STRN: variants seen among roughly 807,000 people sequenced by gnomAD.
STRN encodes the protein striatin, also known as protein phosphatase 2 regulatory subunit B'''alpha.
STRN carries 53 observed loss-of-function variants against 96.3 expected under a neutral mutation model. That is an observed-to-expected ratio of 0.55 (90% CI 0.44 to 0.69). The LOEUF (loss-of-function observed/expected upper bound fraction) is 0.69. Ranked by LOEUF, STRN falls within the 30% of genes least tolerant of loss-of-function variation. The probability of loss-of-function intolerance (pLI) is 0.00; values close to 1 mark genes in which losing one functional copy is unlikely to be tolerated. For missense variants in STRN, 987 were observed against 963.9 expected (o/e 1.02, Z -0.32); for synonymous variants, 428 against 355.9 (o/e 1.20, Z -2.28).
intron 1 of STRN, among the ~76,000 whole-genome samples, chr2:36,955,812 G>T (rs1045584970): frequency 6.6e-6 from 1 of 152,172 alleles, no homozygotes; most frequent in African/African-American, 2.4e-5. Flanking sequence ...TTAGATTTCA[G>T]ATTTTGGAAT....
At chr2:36,863,232 T>C (rs1340917022) in intron 12 of STRN, among the ~76,000 whole-genome samples, 3 of 152,196 alleles carry the variant, frequency 2.0e-5, no homozygotes, top group Non-Finnish European at 2.9e-5. Flanking sequence ...TTTTGGTGTC[T>C]TCATCATGAA....
At chr2:36,941,013 C>A (rs1289242095) in intron 1 of STRN, among the ~76,000 whole-genome samples, 2 of 152,012 alleles carry the variant, frequency 1.3e-5, no homozygotes, top group Non-Finnish European at 2.9e-5. Flanking sequence ...ATTAGCTGAA[C>A]ATGGTGGCAC....
intron 3 of STRN, among the ~76,000 whole-genome samples, chr2:36,910,713 T>A (rs550874980): frequency 2.6e-5 from 4 of 152,248 alleles, no homozygotes; most frequent in African/African-American, 9.6e-5. Flanking sequence ...ATTACAAAGG[T>A]AGTAGCATTA....
Position 36,886,977 on chromosome 2 carries a change from C to T in STRN, c.932-151G>A, listed in dbSNP as rs1659556967. 7.7e-6 allele frequency: 4 copies of T among 516,482 alleles called. No homozygotes were observed. The South Asian group carries it at 1.0e-4, about 13-fold the overall frequency. 32.0% of individuals were successfully genotyped at this position (516,482 alleles called of 1,614,324 possible). A position where few individuals can be genotyped will look rare whatever the true frequency, so the allele number is the denominator to read the frequency against. On this transcript the variant is annotated intron_variant, in intron 7 of 17. Coordinates refer to ENST00000263918, the MANE Select transcript of STRN (RefSeq NM_003162.4). ...ATTCATTTTATATATATAAGTCACA[C>T]AAAAAAATATAATCACTAAGAAGAA...
intron 1 of STRN, among the ~76,000 whole-genome samples, chr2:36,934,886 T>C (rs940884096): frequency 1.3e-5 from 2 of 152,152 alleles, no homozygotes; most frequent in Non-Finnish European, 2.9e-5. Context: ...AGTCCAGCCA[T>C]GGGCAAGATG....
chr2:36,954,330 G>GC (rs1664829093), intron 1 of STRN, among the ~76,000 whole-genome samples: 1 of 151,784 alleles, frequency 6.6e-6, no homozygotes, highest in Non-Finnish European at 1.5e-5. Flanking sequence ...GGCCAATATG[G>GC]CAAAACCCTG....
At position 36,952,055 on chromosome 2, in the gene STRN, GCA is replaced by G. The variant is rs142923138; in HGVS notation, c.234+14173_234+14174del. ...TTTCGTCCCGAAAATACACACGCAC[GCA>G]CACACACACACAATTGTGGCTTATT... On this transcript the variant is annotated intron_variant, in intron 1 of 17. Transcript: ENST00000263918. Among the ~76,000 whole-genome samples the G allele has an allele frequency of 2.8e-3, 424 of 151,480 alleles. 15 individuals carry two copies. The East Asian group carries it at 0.058, about 21-fold the overall frequency.
At chr2:36,872,138 T>C (rs1258337332) in intron 10 of STRN, among the ~76,000 whole-genome samples, 1 of 152,232 alleles carries the variant, frequency 6.6e-6, no homozygotes, top group Non-Finnish European at 1.5e-5. Context: ...AAACCTTATA[T>C]AGTTTCCTCC....
intron 6 of STRN, among the ~76,000 whole-genome samples, chr2:36,896,406 A>T (rs1046189137): frequency 6.6e-6 from 1 of 152,212 alleles, no homozygotes; most frequent in Non-Finnish European, 1.5e-5. Flanking sequence ...TAGAGAAGAA[A>T]AATGAATTGT....
Position 36,841,802 on chromosome 2 carries a change from AT to A in STRN, c.*7653del, listed in dbSNP as rs1299304340. The stretch of plus-strand genomic sequence containing the variant: ...GATACTTTTGATATATTTCCTAAAA[AT>A]ATTTAATTTAGATAACAAGGACCAA... On this transcript the variant is annotated 3_prime_UTR_variant, in exon 18 of 18. Transcript: ENST00000263918. 3.9e-5 allele frequency: 6 copies of A among 152,222 alleles called. No individual in the cohort carries two copies. The highest frequency in any genetic ancestry group is 1.4e-4 in the African/African-American group (6 of 41,456). The allele number at this position is 152,222 out of a possible 1,614,324, so 9.4% of individuals were successfully genotyped here. A position where few individuals can be genotyped will look rare whatever the true frequency, so the allele number is the denominator to read the frequency against.
chr2:36,855,160 TTTGA>T (rs1361788741), intron 15 of STRN, 48 bp downstream of exon 15: 27 of 1,585,766 alleles, frequency 1.7e-5, no homozygotes, highest in East Asian at 2.3e-5. Flanking sequence ...TAGTCGTAAT[TTTGA>T]TTAAGTTAAA....
chr2:36,879,990 G>A (rs1177555788), intron 9 of STRN, among the ~76,000 whole-genome samples: 3 of 151,786 alleles, frequency 2.0e-5, no homozygotes, highest in Admixed American at 6.6e-5. Flanking sequence ...AATCTGAGAC[G>A]GGGTCTCACT....
intron 1 of STRN, among the ~76,000 whole-genome samples, chr2:36,962,665 T>C (rs1273540790): frequency 6.6e-6 from 1 of 152,104 alleles, no homozygotes; most frequent in South Asian, 2.1e-4. Context: ...CACACCACCA[T>C]GCTCAGCTAA....
intron 9 of STRN, among the ~76,000 whole-genome samples, chr2:36,882,972 C>G (rs908841996): frequency 6.6e-6 from 1 of 152,134 alleles, no homozygotes; most frequent in African/African-American, 2.4e-5. Flanking sequence ...TAAGATTACA[C>G]TGCAAAAGAC....
At chr2:36,945,711 A>C (rs1670963677) in intron 1 of STRN, among the ~76,000 whole-genome samples, 1 of 152,186 alleles carries the variant, frequency 6.6e-6, no homozygotes, top group Non-Finnish European at 1.5e-5. Context: ...AAATATTAAC[A>C]AAACAAATAC....
chr2:36,860,133 G>C (rs1312185410), intron 13 of STRN, among the ~76,000 whole-genome samples: 1 of 152,206 alleles, frequency 6.6e-6, no homozygotes, highest in African/African-American at 2.4e-5. Context: ...GGAGCAAGGA[G>C]GGTAAGGCTT....
At chr2:36,931,809 T>C (rs1315467698) in intron 1 of STRN, among the ~76,000 whole-genome samples, 1 of 152,214 alleles carries the variant, frequency 6.6e-6, no homozygotes, top group Non-Finnish European at 1.5e-5. Flanking sequence ...TTAAAACTGC[T>C]TGCTTGCTTG....
Position 36,847,480 on chromosome 2 carries a change from A to G in STRN, c.*1976T>C, listed in dbSNP as rs1320925083. 1.3e-5 allele frequency: 2 copies of G among 152,178 alleles called. No individual in the cohort carries two copies. The highest frequency in any genetic ancestry group is 1.3e-4 in the Admixed American group (2 of 15,266). 9.4% of individuals were successfully genotyped at this position (152,178 alleles called of 1,614,324 possible). On this transcript the variant is annotated 3_prime_UTR_variant, in exon 18 of 18. Transcript: ENST00000263918. The stretch of plus-strand genomic sequence containing the variant: ...CACTGTGAAGAACCAAAAGAAATTT[A>G]CTGAACACAATATGGAATTCTGTAT...
chr2:36,864,024 G>A (rs1347650274), intron 12 of STRN, among the ~76,000 whole-genome samples: 1 of 152,168 alleles, frequency 6.6e-6, no homozygotes, highest in Non-Finnish European at 1.5e-5. Context: ...GAAATTTGCT[G>A]AAGTTGTTTT....
Sources: gnomAD v4.1 joint callset for allele counts (sites outside exome capture counted in the v4.1 genomes callset) on GRCh38, gnomAD v4.1.1 for gene constraint, MANE v1.5 for transcripts, NCBI Gene and HGNC (gene_info 2026-07-23, HGNC 2026-07-21) for gene names.